SH3BGRL2: variants seen among roughly 807,000 people sequenced by gnomAD.
SH3BGRL2 encodes the protein SH3 domain binding glutamate rich protein like 2.
SH3BGRL2 carries 21 observed loss-of-function variants against 14.8 expected under a neutral mutation model. The observed-to-expected ratio is 1.42, with a 90% CI of 1.01 to 2.05. The LOEUF (loss-of-function observed/expected upper bound fraction) is 2.05, where lower values mean the gene tolerates loss of function less well. Among genes scored for constraint, SH3BGRL2 ranks in the 30% most tolerant of loss-of-function variants. The probability of loss-of-function intolerance (pLI) is 0.00; values close to 1 mark genes in which losing one functional copy is unlikely to be tolerated. For synonymous variants in SH3BGRL2, 50 were observed against 47.8 expected (o/e 1.05, Z -0.19); for missense variants, 147 against 130.8 (o/e 1.12, Z -0.61).
the SH3BGRL2 span, among the ~76,000 whole-genome samples, chr6:79,594,533 C>T: frequency 1.3e-5 from 2 of 152,090 alleles, no homozygotes; most frequent in Admixed American, 6.5e-5. Context: ...TGTGTTCCTT[C>T]TGCTTGGGCG....
intron 2 of SH3BGRL2, among the ~76,000 whole-genome samples, chr6:79,676,704 A>G (rs2127734267): frequency 6.6e-6 from 1 of 152,080 alleles, no homozygotes; most frequent in Non-Finnish European, 1.5e-5. Flanking sequence ...GAAAGGAGGT[A>G]GAGACGTCTT....
At chr6:79,677,449 A>G (rs1252976284) in intron 2 of SH3BGRL2, among the ~76,000 whole-genome samples, 4 of 152,098 alleles carry the variant, frequency 2.6e-5, no homozygotes, top group Non-Finnish European at 4.4e-5. Context: ...TGGCATGACC[A>G]ATCAGTTTTT....
rs1400732169 is a variant in SH3BGRL2 at position 79,703,563 on chromosome 6, A to G, written c.*4054A>G. ...CCTGTCTGATAGAGGGAACCCCTGT[A>G]CTGAACTTTGTGTTGACCATAGCCT... On this transcript the variant is annotated 3_prime_UTR_variant, in exon 4 of 4. Transcript: ENST00000369838. 1 of 152,118 alleles carries G rather than the reference A, an allele frequency of 6.6e-6. No homozygotes were observed. The highest frequency in any genetic ancestry group is 2.4e-5 in the African/African-American group (1 of 41,432). 9.4% of individuals were successfully genotyped at this position (152,118 alleles called of 1,614,324 possible).
chr6:79,645,119 C>T (rs984150635), intron 1 of SH3BGRL2, among the ~76,000 whole-genome samples: 1 of 145,598 alleles, frequency 6.9e-6, no homozygotes, highest in African/African-American at 2.6e-5. Flanking sequence ...GCTGAGATTG[C>T]ACCACTGCAC....
chr6:79,586,232 C>CTTGTTT, the SH3BGRL2 span, among the ~76,000 whole-genome samples: 1 of 71,576 alleles, frequency 1.4e-5, no homozygotes, highest in South Asian at 4.8e-4. Context: ...TATGTATGGA[C>CTTGTTT]TTCTTTTTTT....
chr6:79,631,914 T>C (rs1378743134), intron 1 of SH3BGRL2, among the ~76,000 whole-genome samples: 1 of 152,170 alleles, frequency 6.6e-6, no homozygotes, highest in Non-Finnish European at 1.5e-5. Flanking sequence ...TCTGCTGCTT[T>C]GGTTTGTTAC....
At chr6:79,671,490 T>C (rs1769772697) in intron 1 of SH3BGRL2, among the ~76,000 whole-genome samples, 1 of 152,126 alleles carries the variant, frequency 6.6e-6, no homozygotes, top group Admixed American at 6.5e-5. Flanking sequence ...GTGAAAGCAG[T>C]GACTGTTGGC....
intron 1 of SH3BGRL2, among the ~76,000 whole-genome samples, chr6:79,670,065 C>A (rs535132646): frequency 6.6e-6 from 1 of 152,354 alleles, no homozygotes; most frequent in Admixed American, 6.5e-5. Flanking sequence ...AGGGAGAAAG[C>A]AGACATAGAC....
the SH3BGRL2 span, among the ~76,000 whole-genome samples, chr6:79,581,538 C>A: frequency 6.6e-6 from 1 of 152,154 alleles, no homozygotes; most frequent in African/African-American, 2.4e-5. Flanking sequence ...ATGACAGAAA[C>A]CACATGATTA....
the SH3BGRL2 span, among the ~76,000 whole-genome samples, chr6:79,557,810 C>A: frequency 6.6e-6 from 1 of 152,130 alleles, no homozygotes; most frequent in African/African-American, 2.4e-5. Context: ...ATTTTTATGT[C>A]TCACTTGGAA....
chr6:79,698,876 A>G (rs980105102), intron 3 of SH3BGRL2, among the ~76,000 whole-genome samples: 1 of 152,122 alleles, frequency 6.6e-6, no homozygotes, highest in Non-Finnish European at 1.5e-5. Flanking sequence ...AAAACCATCA[A>G]AGTTAAAATT....
In SH3BGRL2 at chr6:79,702,143, G is replaced by A. The variant is rs1314134150; in HGVS notation, c.*2634G>A. ...TTTATTACAATCAAAGAAGAGGAAA[G>A]CAAGGTATTTTTTCACCTCAGATTC... On this transcript the variant is annotated 3_prime_UTR_variant, in exon 4 of 4. Transcript: ENST00000369838. The A allele has an allele frequency of 6.6e-6, 1 of 152,516 alleles. No individual in the cohort carries two copies. The highest frequency in any genetic ancestry group is 6.5e-5 in the Admixed American group (1 of 15,268). 9.4% of individuals were successfully genotyped at this position (152,516 alleles called of 1,614,324 possible). A position where few individuals can be genotyped will look rare whatever the true frequency, so the allele number is the denominator to read the frequency against.
In SH3BGRL2 at chr6:79,701,792, C is replaced by T. The variant is rs1770463547; in HGVS notation, c.*2283C>T. 6.6e-6 allele frequency: 1 copy of T among 152,142 alleles called. No homozygotes were observed. The highest frequency in any genetic ancestry group is 2.4e-5 in the African/African-American group (1 of 41,352). The allele number at this position is 152,142 out of a possible 1,614,324, so 9.4% of individuals were successfully genotyped here. On this transcript the variant is annotated 3_prime_UTR_variant, in exon 4 of 4. Coordinates refer to ENST00000369838, the MANE Select transcript of SH3BGRL2 (RefSeq NM_031469.4). ...AGAATATGGGGTCCTTACTTGTATTCTTTTATCAGCTGATTTTGAAACATA... is the reference window on the plus strand; with the variant it reads ...AGAATATGGGGTCCTTACTTGTATTTTTTTATCAGCTGATTTTGAAACATA...
intron 1 of SH3BGRL2, among the ~76,000 whole-genome samples, chr6:79,668,571 G>A (rs1259103724): frequency 2.6e-5 from 4 of 152,116 alleles, no homozygotes; most frequent in Non-Finnish European, 4.4e-5. Context: ...ATCTGAGGGA[G>A]GAGTTTGCTT....
At chr6:79,658,400 T>C (rs1327930459) in intron 1 of SH3BGRL2, among the ~76,000 whole-genome samples, 1 of 152,198 alleles carries the variant, frequency 6.6e-6, no homozygotes, top group Non-Finnish European at 1.5e-5. Context: ...TTGTTTGGTT[T>C]TCTGTCCTTG....
chr6:79,697,358 T>A (rs1056857667), intron 3 of SH3BGRL2, among the ~76,000 whole-genome samples: 1 of 152,162 alleles, frequency 6.6e-6, no homozygotes, highest in Non-Finnish European at 1.5e-5. Flanking sequence ...TTTGTATACA[T>A]AGTAATTGAA....
At chr6:79,539,784 CAG>C in the SH3BGRL2 span, among the ~76,000 whole-genome samples, 1 of 152,096 alleles carries the variant, frequency 6.6e-6, no homozygotes, top group African/African-American at 2.4e-5. Flanking sequence ...TAACTGTAGA[CAG>C]AGAAATTACA....
intron 1 of SH3BGRL2, among the ~76,000 whole-genome samples, chr6:79,656,584 T>G (rs574385959): frequency 6.6e-6 from 1 of 152,042 alleles, no homozygotes; most frequent in African/African-American, 2.4e-5. Context: ...CAACCATCCA[T>G]GGATGAAAAA....
At chr6:79,586,802 C>G in the SH3BGRL2 span, among the ~76,000 whole-genome samples, 1 of 152,174 alleles carries the variant, frequency 6.6e-6, no homozygotes, top group Non-Finnish European at 1.5e-5. Flanking sequence ...CACCCTTCTT[C>G]ACACTGCAAA....
Sources: gnomAD v4.1 joint callset for allele counts (sites outside exome capture counted in the v4.1 genomes callset) on GRCh38, gnomAD v4.1.1 for gene constraint, MANE v1.5 for transcripts, NCBI Gene and HGNC (gene_info 2026-07-23, HGNC 2026-07-21) for gene names.